PALM2AKAP2: variants seen among roughly 807,000 people sequenced by gnomAD.
PALM2AKAP2 encodes PALM2-AKAP2 fusion protein.
A neutral mutation model predicts 71.5 loss-of-function variants in PALM2AKAP2; 37 were observed. That is an observed-to-expected ratio of 0.52 (90% CI 0.40 to 0.68). The LOEUF is 0.68. PALM2AKAP2 is among the 30% of genes least tolerant of loss of function. The pLI, the probability that PALM2AKAP2 is intolerant of heterozygous loss-of-function variation, is 0.00. For synonymous variants in PALM2AKAP2, 468 were observed against 478.8 expected, an observed-to-expected ratio of 0.98 and a Z score of 0.29; for missense variants, 1,224 against 1,191.8, an observed-to-expected ratio of 1.03 and a Z score of -0.40.
chr9:109,878,882 C>T (rs964155676), intron 2 of PALM2AKAP2, among the ~76,000 whole-genome samples: 7 of 152,156 alleles, frequency 4.6e-5, no homozygotes, highest in South Asian at 2.1e-4. Flanking sequence ...GGATTACAGG[C>T]GCATGCCATC....
chr9:110,115,293 A>G (rs903886450), intron 1 of PALM2AKAP2, among the ~76,000 whole-genome samples: 4 of 152,222 alleles, frequency 2.6e-5, no homozygotes, highest in Non-Finnish European at 4.4e-5. Flanking sequence ...GGGCAGAATC[A>G]CAGTCAGAAC....
chr9:109,652,492 T>C (rs1251316677), intron 1 of PALM2AKAP2, among the ~76,000 whole-genome samples: 8 of 152,200 alleles, frequency 5.3e-5, no homozygotes, highest in Admixed American at 5.2e-4. Flanking sequence ...TCTTGAACAG[T>C]CTGCAGAACT....
At chr9:110,027,336 G>A (rs1833199103) in intron 7 of PALM2AKAP2, among the ~76,000 whole-genome samples, 1 of 152,074 alleles carries the variant, frequency 6.6e-6, no homozygotes, top group Admixed American at 6.6e-5. Flanking sequence ...AGTATCTCTA[G>A]GATAAAAATT....
chr9:109,854,029 G>A (rs1331379325), intron 1 of PALM2AKAP2, among the ~76,000 whole-genome samples: 1 of 152,154 alleles, frequency 6.6e-6, no homozygotes, highest in African/African-American at 2.4e-5. Context: ...AGGACACTTG[G>A]AGCTGTCCCT....
In PALM2AKAP2 at chr9:109,921,684, A is replaced by T. The variant is rs908055167; in HGVS notation, c.258-2051A>T. ...TGGGAGTTTGAGTTGAGTTTCCTAG[A>T]GGAGGAAAAGACATGGGGTACATGT... On this transcript the variant is annotated intron_variant, in intron 3 of 9. Transcript: ENST00000302798. Among the ~76,000 whole-genome samples, 4 of 152,316 alleles carry T rather than the reference A, an allele frequency of 2.6e-5. No individual in the cohort carries two copies. The East Asian group carries it at 5.8e-4, about 22-fold the overall frequency.
chr9:109,857,746 G>A (rs1043898755), intron 1 of PALM2AKAP2, among the ~76,000 whole-genome samples: 5 of 152,202 alleles, frequency 3.3e-5, no homozygotes, highest in Admixed American at 2.0e-4. Context: ...CAGTAGCTAA[G>A]TTTAGGTTGT....
intron 6 of PALM2AKAP2, among the ~76,000 whole-genome samples, chr9:110,001,131 G>A (rs933242765): frequency 7.2e-5 from 11 of 152,174 alleles, no homozygotes; most frequent in African/African-American, 2.7e-4. Context: ...TTCTTCTAGA[G>A]TTTTTATGGT....
intron 1 of PALM2AKAP2, among the ~76,000 whole-genome samples, chr9:109,837,159 A>T (rs192191748): frequency 2.2e-4 from 33 of 152,372 alleles, no homozygotes; most frequent in African/African-American, 7.5e-4. Flanking sequence ...AGGGAAGCCC[A>T]TCAGACTAAC....
intron 1 of PALM2AKAP2, among the ~76,000 whole-genome samples, chr9:109,641,060 G>C (rs1405737605): frequency 6.6e-6 from 1 of 152,238 alleles, no homozygotes; most frequent in Non-Finnish European, 1.5e-5. Flanking sequence ...CGGGTGGCGT[G>C]GTTTTTGCGG....
chr9:110,052,971 A>G (rs549534332), intron 1 of PALM2AKAP2, among the ~76,000 whole-genome samples: 1 of 152,362 alleles, frequency 6.6e-6, no homozygotes, highest in East Asian at 1.9e-4. Flanking sequence ...TAAGTGCCAG[A>G]AAAGAAAAGG....
chr9:109,887,875 C>A (rs190694761), intron 3 of PALM2AKAP2, among the ~76,000 whole-genome samples: 3 of 152,310 alleles, frequency 2.0e-5, no homozygotes, highest in African/African-American at 7.2e-5. Flanking sequence ...ATTACACTAA[C>A]GTGCACCTCG....
At chr9:110,100,077 A>ATATATATG (rs1834959599) in intron 1 of PALM2AKAP2, among the ~76,000 whole-genome samples, 1 of 145,758 alleles carries the variant, frequency 6.9e-6, no homozygotes, top group Admixed American at 6.9e-5. Context: ...ATATATATAT[A>ATATATATG]TATAGAAACA....
rs150343762 is a variant in PALM2AKAP2, at chr9:109,696,593, T to C, written c.5+55727T>C. ...TCGCTTCTAGTCATTGATCACTCAG[T>C]GGTGTTGGTACACATATACAAAGAC... is the stretch of plus-strand genomic sequence containing the variant. On this transcript the variant is annotated intron_variant, in intron 1 of 6. Transcript: ENST00000374531. Among the ~76,000 whole-genome samples the C allele has an allele frequency of 1.2e-3, 179 of 152,316 alleles. 1 individual carries two copies. The highest frequency in any genetic ancestry group is 4.0e-3 in the African/African-American group (168 of 41,578).
At chr9:109,918,756 A>C (rs1830751746) in intron 3 of PALM2AKAP2, among the ~76,000 whole-genome samples, 1 of 152,256 alleles carries the variant, frequency 6.6e-6, no homozygotes. Context: ...ACACCCTCAG[A>C]GCCTGGCCCA....
intron 6 of PALM2AKAP2, among the ~76,000 whole-genome samples, chr9:110,015,554 C>T (rs578155415): frequency 1.1e-4 from 17 of 152,138 alleles, no homozygotes; most frequent in South Asian, 1.0e-3. Context: ...TGCAGTGAGC[C>T]GAGATCATGC....
upstream of PALM2AKAP2, among the ~76,000 whole-genome samples, chr9:109,778,954 G>A (rs1829389396): frequency 6.6e-6 from 1 of 152,054 alleles, no homozygotes; most frequent in South Asian, 2.1e-4. Context: ...ATTTTTAGTA[G>A]AGAAGGGGTT....
At chr9:110,135,421 T>A (rs1835841504) in intron 1 of PALM2AKAP2, among the ~76,000 whole-genome samples, 1 of 139,120 alleles carries the variant, frequency 7.2e-6, no homozygotes. Flanking sequence ...TCTTATTGAA[T>A]CACAAACTGA....
At chr9:109,867,293 C>A in intron 1 of PALM2AKAP2, 198 bp from the exon 2 acceptor site, 1 of 528,496 alleles carries the variant, frequency 1.9e-6, no homozygotes, top group Non-Finnish European at 3.4e-6. Flanking sequence ...ACTCTTCGAG[C>A]CTACAGCAGA....
At chr9:109,710,640 G>T (rs1322163875) in intron 1 of PALM2AKAP2, among the ~76,000 whole-genome samples, 1 of 152,192 alleles carries the variant, frequency 6.6e-6, no homozygotes, top group East Asian at 1.9e-4. Context: ...TGGCTCTCAG[G>T]ATTGGATGAC....
Sources: allele counts gnomAD v4.1 joint callset (sites outside exome capture counted in the v4.1 genomes callset), GRCh38; gene constraint gnomAD v4.1.1; transcripts MANE v1.5; gene names NCBI Gene and HGNC (gene_info 2026-07-23, HGNC 2026-07-21).